DCDC2: variants seen among roughly 807,000 people sequenced by gnomAD.
DCDC2 encodes the protein doublecortin domain containing 2, also known as doublecortin domain-containing protein 2.
A neutral mutation model predicts 50.2 loss-of-function variants in DCDC2; 40 were observed. The observed-to-expected ratio is 0.80, with a 90% CI of 0.62 to 1.04. DCDC2 has a LOEUF of 1.04. DCDC2 is among the 50% of genes least tolerant of loss of function. The pLI, the probability that DCDC2 is intolerant of heterozygous loss-of-function variation, is 0.00. For synonymous variants in DCDC2, 234 were observed against 210.6 expected (o/e 1.11, Z -0.96); for missense variants, 570 against 581.9 (o/e 0.98, Z 0.21).
intron 9 of DCDC2, among the ~76,000 whole-genome samples, chr6:24,177,934 T>C (rs78452583): frequency 0.01 from 1,583 of 152,354 alleles, 21 homozygotes; most frequent in African/African-American, 0.03. Flanking sequence ...ATTTCATGTC[T>C]AGGTCTCACT....
the DCDC2 span, among the ~76,000 whole-genome samples, chr6:24,381,436 G>GAGAGAC: frequency 1.1e-4 from 16 of 152,340 alleles, no homozygotes; most frequent in South Asian, 2.1e-4. Flanking sequence ...AGGAGAGATA[G>GAGAGAC]AGAGACAGAG....
the DCDC2 span, among the ~76,000 whole-genome samples, chr6:24,371,469 G>A: frequency 1.3e-5 from 2 of 152,046 alleles, no homozygotes; most frequent in African/African-American, 4.8e-5. Context: ...TTAGCCGGGT[G>A]TGGTGGCACA....
upstream of DCDC2, among the ~76,000 whole-genome samples, chr6:24,359,068 T>A (rs1265454168): frequency 3.9e-5 from 2 of 51,536 alleles, no homozygotes; most frequent in South Asian, 1.1e-3. Flanking sequence ...ATCATATATA[T>A]TATATATCAT....
At chr6:24,371,283 AAAAAAAAAAAG>A in the DCDC2 span, among the ~76,000 whole-genome samples, 2 of 135,906 alleles carry the variant, frequency 1.5e-5, no homozygotes, top group African/African-American at 2.6e-5. Context: ...TCTCAAAAAA[AAAAAAAAAAAG>A]AAAAGAAAAG....
chr6:24,296,628 C>A (rs558239541), intron 4 of DCDC2, among the ~76,000 whole-genome samples: 1 of 152,008 alleles, frequency 6.6e-6, no homozygotes, highest in African/African-American at 2.4e-5. Context: ...AGAAAAAAAA[C>A]AACCCCATTA....
intron 7 of DCDC2, chr6:24,205,414 C>T (rs1346691012): frequency 1.8e-5 from 23 of 1,275,230 alleles, no homozygotes; most frequent in Non-Finnish European, 2.3e-5. Context: ...AGAAGAAATT[C>T]ACAAGTATCA....
the DCDC2 span, among the ~76,000 whole-genome samples, chr6:24,369,490 A>T: frequency 1.3e-5 from 2 of 151,486 alleles, no homozygotes; most frequent in African/African-American, 4.9e-5. Flanking sequence ...CACACCTGTA[A>T]TCCCAGCTAC....
intron 2 of DCDC2, among the ~76,000 whole-genome samples, chr6:24,348,148 A>G (rs1245513706): frequency 6.6e-6 from 1 of 152,232 alleles, no homozygotes; most frequent in Non-Finnish European, 1.5e-5. Context: ...GCCAGCACTT[A>G]AAGAATCCAT....
Position 24,223,087 on chromosome 6 carries a change from T to G in DCDC2, c.923-17985A>C, listed in dbSNP as rs141151909. Among the ~76,000 whole-genome samples, 154 of 152,334 alleles carry G rather than the reference T, an allele frequency of 1.0e-3. 1 individual carries two copies. Among genetic ancestry groups the G allele is most frequent in the African/African-American group, 3.6e-3 (151 of 41,582 alleles). ...AATGAATTCCACAGCTGGGTTTAAA[T>G]GGAACATGGCAAACCTATATCAGAA... On this transcript the variant is annotated intron_variant, in intron 7 of 9. Transcript: ENST00000378454.
chr6:24,287,736 T>G (rs529866322), intron 6 of DCDC2, among the ~76,000 whole-genome samples: 1 of 152,322 alleles, frequency 6.6e-6, no homozygotes, highest in South Asian at 2.1e-4. Context: ...AAGGCAGAGC[T>G]CAAATTCAAC....
At chr6:24,356,388 G>A (rs904262541) in intron 1 of DCDC2, among the ~76,000 whole-genome samples, 2 of 152,084 alleles carry the variant, frequency 1.3e-5, no homozygotes, top group African/African-American at 4.8e-5. Context: ...TAGATTAGTG[G>A]TTTCCAGATG....
At chr6:24,324,900 AAGAC>A (rs926184492) in intron 2 of DCDC2, among the ~76,000 whole-genome samples, 2 of 151,748 alleles carry the variant, frequency 1.3e-5, no homozygotes, top group Non-Finnish European at 2.9e-5. Flanking sequence ...AAAACAAAGA[AAGAC>A]AGAAAAGAAA....
chr6:24,178,637 T>A lies in DCDC2; in HGVS notation c.1024-5A>T. On this transcript the variant is annotated splice_region_variant and splice_polypyrimidine_tract_variant and intron_variant, in intron 8 of 9. Transcript: ENST00000378454. Reference sequence around the variant, plus strand: ...GTCTACTATTTCTGCTGGCCTCTGATGGATCAAAAGGAATAATGGATAAAA... The same window carrying A: ...GTCTACTATTTCTGCTGGCCTCTGAAGGATCAAAAGGAATAATGGATAAAA... 9.3e-6 allele frequency: 15 copies of A among 1,610,044 alleles called. No individual in the cohort carries two copies. Among genetic ancestry groups the A allele is most frequent in the Non-Finnish European group, 1.3e-5 (15 of 1,178,888 alleles).
At chr6:24,252,555 A>G (rs1287112636) in intron 7 of DCDC2, among the ~76,000 whole-genome samples, 2 of 152,212 alleles carry the variant, frequency 1.3e-5, no homozygotes, top group Non-Finnish European at 2.9e-5. Context: ...GATCAAAAAG[A>G]TGCTAGATCA....
intron 2 of DCDC2, among the ~76,000 whole-genome samples, chr6:24,352,709 TGAG>T (rs1055873835): frequency 1.1e-4 from 16 of 152,266 alleles, no homozygotes; most frequent in African/African-American, 3.6e-4. Flanking sequence ...TGGTGAGTGT[TGAG>T]GAGAGTCCCT....
At chr6:24,253,220 T>C (rs965592805) in intron 7 of DCDC2, among the ~76,000 whole-genome samples, 1 of 151,806 alleles carries the variant, frequency 6.6e-6, no homozygotes, top group African/African-American at 2.4e-5. Flanking sequence ...GAATGTACAA[T>C]AGAGAAAAAT....
At chr6:24,310,481 C>T (rs1195784165) in intron 2 of DCDC2, among the ~76,000 whole-genome samples, 2 of 152,194 alleles carry the variant, frequency 1.3e-5, no homozygotes, top group African/African-American at 4.8e-5. Flanking sequence ...ACAACTCCTC[C>T]TCCTTGGCTC....
In DCDC2 at chr6:24,172,425, T is replaced by A. The variant is rs1359546242; in HGVS notation, c.*2305A>T. The A allele has an allele frequency of 1.3e-5, 2 of 152,164 alleles. No homozygotes were observed. The highest frequency in any genetic ancestry group is 4.8e-5 in the African/African-American group (2 of 41,442). The allele number at this position is 152,164 out of a possible 1,614,324, so 9.4% of individuals were successfully genotyped here. A position where few individuals can be genotyped will look rare whatever the true frequency, so the allele number is the denominator to read the frequency against. On this transcript the variant is annotated 3_prime_UTR_variant, in exon 10 of 10. Transcript: ENST00000378454. The stretch of plus-strand genomic sequence containing the variant: ...AGTATATTTAAAATACCAAACGTTA[T>A]TATTCATGTAAAATATCAATGTTGT...
intron 2 of DCDC2, among the ~76,000 whole-genome samples, chr6:24,346,871 A>C (rs1023750488): frequency 2.0e-5 from 3 of 152,184 alleles, no homozygotes; most frequent in African/African-American, 7.2e-5. Context: ...ACAAACTGTA[A>C]GAGAACAAGA....
Sources: allele counts gnomAD v4.1 joint callset (sites outside exome capture counted in the v4.1 genomes callset), GRCh38; gene constraint gnomAD v4.1.1; transcripts MANE v1.5; gene names NCBI Gene and HGNC (gene_info 2026-07-23, HGNC 2026-07-21).